PSMA6: variants seen among roughly 807,000 people sequenced by gnomAD.
The protein encoded by PSMA6 is proteasome 20S subunit alpha 6.
For missense variants in PSMA6, 170 were observed against 294.8 expected (o/e 0.58, Z 3.10); for synonymous variants, 88 against 97.7 (o/e 0.90, Z 0.59).
At position 35,312,920 on chromosome 14, in the gene PSMA6, A is replaced by G. The variant is rs2138755940; in HGVS notation, c.449A>G (p.Gln150Arg). 3 of 1,596,322 alleles carry G rather than the reference A, an allele frequency of 1.9e-6. No homozygotes were observed. Among genetic ancestry groups the G allele is most frequent in the East Asian group, 2.3e-5 (1 of 43,118 alleles). The change falls in exon 5 of 7, where the codon CAG becomes CGG. Residue 150 changes from glutamine to arginine, a missense_variant. Gln to Arg is a conservative substitution (Grantham distance 43, BLOSUM62 1). Coordinates refer to ENST00000261479, the MANE Select transcript of PSMA6 (RefSeq NM_002791.3). ...GGTATAGATGAAGAGCAAGGCCCTCAGGTATATAAGTGTGATCCTGCAGGT... is the reference window on the plus strand; with the variant it reads ...GGTATAGATGAAGAGCAAGGCCCTCGGGTATATAAGTGTGATCCTGCAGGT... Reference protein sequence around the residue: ...LIGIDEEQGPQVYKCDPAGYY... With the variant: ...LIGIDEEQGPRVYKCDPAGYY...
At chr14:35,308,757 A>G in intron 2 of PSMA6, 157 bp from the exon 3 acceptor site, 1 of 555,706 alleles carries the variant, frequency 1.8e-6, no homozygotes, top group Non-Finnish European at 3.2e-6. Context: ...TTAACTATAA[A>G]ATGATCAGAA....
chr14:35,314,357 T>C lies in PSMA6; in HGVS notation c.589-4T>C. The stretch of plus-strand genomic sequence containing the variant: ...ATATTTTAACATTAAATACTTTTTT[T>C]CAGACTGCAATTACATGCCTGTCTA... On this transcript the variant is annotated splice_polypyrimidine_tract_variant and splice_region_variant and intron_variant, in intron 5 of 6. Transcript: ENST00000261479. 1.2e-6 allele frequency: 2 copies of C among 1,600,194 alleles called. No homozygotes were observed. The highest frequency in any genetic ancestry group is 1.7e-6 in the Non-Finnish European group (2 of 1,172,236).
intron 1 of PSMA6, among the ~76,000 whole-genome samples, chr14:35,304,618 T>G (rs1008637760): frequency 3.3e-5 from 5 of 151,678 alleles, no homozygotes; most frequent in African/African-American, 1.2e-4. Context: ...TAATCCCAGC[T>G]ACTCGGGAGG....
At chr14:35,316,678 C>T (rs1234093529) in intron 6 of PSMA6, 1 of 152,212 alleles carries the variant, frequency 6.6e-6, no homozygotes, top group Non-Finnish European at 1.5e-5. Context: ...CCAGCCTGTC[C>T]AATATGGTGA....
chr14:35,290,058 T>C (rs893518130), upstream of PSMA6, among the ~76,000 whole-genome samples: 1 of 152,036 alleles, frequency 6.6e-6, no homozygotes, highest in African/African-American at 2.4e-5. Flanking sequence ...AGGAATTCGC[T>C]TGAGAGGGAA....
At chr14:35,317,219 CGTT>C (rs780878671) in intron 6 of PSMA6, 27 bp from the exon 7 acceptor site, 67 of 1,597,106 alleles carry the variant, frequency 4.2e-5, no homozygotes, top group Non-Finnish European at 5.4e-5. Context: ...TTTTTTAAAT[CGTT>C]GTTTTTTTCC....
At chr14:35,302,171 A>G (rs1468077910) in intron 1 of PSMA6, among the ~76,000 whole-genome samples, 1 of 152,174 alleles carries the variant, frequency 6.6e-6, no homozygotes, top group Non-Finnish European at 1.5e-5. Flanking sequence ...CCAACCTACC[A>G]GAGGGTTAAT....
chr14:35,285,466 T>TCCAA (rs2051413831), intron 1 of PSMA6, among the ~76,000 whole-genome samples: 2 of 152,314 alleles, frequency 1.3e-5, no homozygotes, highest in South Asian at 4.1e-4. Context: ...AGAAACCTCA[T>TCCAA]TCATTTGCAT....
chr14:35,312,267 G>T (rs1273365271), intron 4 of PSMA6, among the ~76,000 whole-genome samples: 1 of 151,528 alleles, frequency 6.6e-6, no homozygotes, highest in East Asian at 1.9e-4. Context: ...AGCACTTTGG[G>T]AGGACGAGGC....
At chr14:35,294,106 G>A (rs1389167533) in intron 1 of PSMA6, among the ~76,000 whole-genome samples, 4 of 152,194 alleles carry the variant, frequency 2.6e-5, no homozygotes, top group African/African-American at 7.2e-5. Context: ...GTGCAATGGC[G>A]CGATCTCGGC....
intron 1 of PSMA6, among the ~76,000 whole-genome samples, chr14:35,296,832 G>T (rs987788212): frequency 6.6e-6 from 1 of 152,112 alleles, no homozygotes; most frequent in Non-Finnish European, 1.5e-5. Flanking sequence ...CAATGCATGT[G>T]TGTGCATGCA....
chr14:35,292,348 CA>C, upstream of PSMA6: 2 of 1,518,704 alleles, frequency 1.3e-6, no homozygotes, highest in Non-Finnish European at 1.8e-6. Context: ...GTGAGTTCGG[CA>C]TGCAAGAGCG....
intron 1 of PSMA6, among the ~76,000 whole-genome samples, chr14:35,298,726 T>TC (rs2051647386): frequency 6.9e-6 from 1 of 145,984 alleles, no homozygotes; most frequent in African/African-American, 2.7e-5. Flanking sequence ...TATCTTTATT[T>TC]CTTTATTATT....
intron 1 of PSMA6, among the ~76,000 whole-genome samples, chr14:35,296,202 G>A (rs1393093471): frequency 6.6e-6 from 1 of 152,166 alleles, no homozygotes; most frequent in Non-Finnish European, 1.5e-5. Context: ...CTTTTTATCT[G>A]TAAAATAAAG....
Position 35,292,459 on chromosome 14 carries a change from A to G in PSMA6, c.-18A>G. 4 of 1,611,788 alleles carry G rather than the reference A, an allele frequency of 2.5e-6. No individual in the cohort carries two copies. The highest frequency in any genetic ancestry group is 3.4e-6 in the Non-Finnish European group (4 of 1,178,954). ...TACGGGGCCCAGGGATTGTGTTTAA[A>G]GTAGTGCTTCTACCAACATGTCCCG... is the stretch of plus-strand genomic sequence containing the variant. On this transcript the variant is annotated 5_prime_UTR_variant, in exon 1 of 7. Transcript: ENST00000261479.
chr14:35,295,503 G>A (rs1169156504), intron 1 of PSMA6, among the ~76,000 whole-genome samples: 1 of 149,946 alleles, frequency 6.7e-6, no homozygotes, highest in Non-Finnish European at 1.5e-5. Context: ...CCAGGCTGGA[G>A]TGCAATGGCC....
intron 1 of PSMA6, among the ~76,000 whole-genome samples, chr14:35,285,347 A>C (rs943545410): frequency 2.8e-5 from 1 of 35,594 alleles, no homozygotes. Context: ...CTCAAAAAAA[A>C]CAAAAAACAA....
chr14:35,298,951 C>T (rs2051654320), intron 1 of PSMA6, among the ~76,000 whole-genome samples: 1 of 152,064 alleles, frequency 6.6e-6, no homozygotes, highest in Non-Finnish European at 1.5e-5. Context: ...CCAGGCTGGT[C>T]TCAAACTCCT....
At chr14:35,288,067 G>C (rs1163753064), upstream of PSMA6, among the ~76,000 whole-genome samples, 1 of 152,140 alleles carries the variant, frequency 6.6e-6, no homozygotes, top group African/African-American at 2.4e-5. Flanking sequence ...CTCATTTACT[G>C]ACAAATCTTT....
Sources: gnomAD v4.1 joint callset for allele counts (sites outside exome capture counted in the v4.1 genomes callset) on GRCh38, gnomAD v4.1.1 for gene constraint, MANE v1.5 for transcripts, NCBI Gene and HGNC (gene_info 2026-07-23, HGNC 2026-07-21) for gene names.